SPIDR: variants seen among roughly 807,000 people sequenced by gnomAD.
SPIDR encodes the protein scaffold protein involved in DNA repair.
A neutral mutation model predicts 104.6 loss-of-function variants in SPIDR; 93 were observed. The observed-to-expected ratio is 0.89, with a 90% CI of 0.75 to 1.06. SPIDR has a LOEUF of 1.06. Ranked by LOEUF, SPIDR falls within the 50% of genes least tolerant of loss-of-function variation. The probability of loss-of-function intolerance (pLI) is 0.00; values close to 1 mark genes in which losing one functional copy is unlikely to be tolerated. For missense variants in SPIDR, 1,154 were observed against 1,111.2 expected (o/e 1.04, Z -0.55); for synonymous variants, 431 against 416.9 (o/e 1.03, Z -0.41).
At chr8:47,416,986 A>T (rs1223888236) in intron 7 of SPIDR, among the ~76,000 whole-genome samples, 1 of 152,312 alleles carries the variant, frequency 6.6e-6, no homozygotes, top group South Asian at 2.1e-4. Flanking sequence ...ATAGTATTCC[A>T]TGGTGTATAT....
At chr8:47,416,384 T>A (rs573900491) in intron 7 of SPIDR, among the ~76,000 whole-genome samples, 62 of 152,358 alleles carry the variant, frequency 4.1e-4, no homozygotes, top group African/African-American at 9.9e-4. Context: ...CTCGGTAGTA[T>A]TCCATGGTAC....
chr8:47,437,400 A>G (rs1225513039), intron 7 of SPIDR, among the ~76,000 whole-genome samples: 9 of 152,060 alleles, frequency 5.9e-5, no homozygotes, highest in African/African-American at 2.2e-4. Flanking sequence ...AATTTCATCC[A>G]TGTCCCTACA....
intron 11 of SPIDR, among the ~76,000 whole-genome samples, chr8:47,677,789 T>A (rs2076625853): frequency 6.6e-6 from 1 of 152,200 alleles, no homozygotes; most frequent in Non-Finnish European, 1.5e-5. Flanking sequence ...TGAGAACAAA[T>A]GCTTTAAACA....
chr8:47,626,381 A>C (rs149062103), intron 10 of SPIDR, among the ~76,000 whole-genome samples: 1 of 152,026 alleles, frequency 6.6e-6, no homozygotes, highest in South Asian at 2.1e-4. Flanking sequence ...AGCCAAAATT[A>C]ACAAATGGGA....
intron 5 of SPIDR, among the ~76,000 whole-genome samples, chr8:47,382,121 C>T (rs1048894187): frequency 1.3e-5 from 2 of 152,190 alleles, no homozygotes; most frequent in Non-Finnish European, 2.9e-5. Context: ...GGCACTGCTT[C>T]ATCTTGAAAT....
At chr8:47,417,459 C>T (rs1159848661) in intron 7 of SPIDR, among the ~76,000 whole-genome samples, 2 of 152,128 alleles carry the variant, frequency 1.3e-5, no homozygotes, top group Non-Finnish European at 2.9e-5. Context: ...CCTTTGCCCA[C>T]TTGTTGATGG....
chr8:47,462,730 T>C (rs146885425), intron 8 of SPIDR, among the ~76,000 whole-genome samples: 188 of 151,524 alleles, frequency 1.2e-3, no homozygotes, highest in South Asian at 7.3e-3. Flanking sequence ...AAGATTAGAG[T>C]GGAGATGAAA....
chr8:47,386,104 T>A (rs1259225213), intron 5 of SPIDR, among the ~76,000 whole-genome samples: 1 of 152,072 alleles, frequency 6.6e-6, no homozygotes, highest in Non-Finnish European at 1.5e-5. Context: ...GTAAGTTTCT[T>A]TTGCACTCTT....
At chr8:47,264,087 C>T (rs943675383) in intron 1 of SPIDR, among the ~76,000 whole-genome samples, 3 of 152,168 alleles carry the variant, frequency 2.0e-5, no homozygotes, top group African/African-American at 7.2e-5. Context: ...TCCGAAGACT[C>T]GGATATCTGC....
intron 5 of SPIDR, among the ~76,000 whole-genome samples, chr8:47,368,591 T>C (rs979954165): frequency 6.6e-6 from 1 of 152,100 alleles, no homozygotes; most frequent in East Asian, 1.9e-4. Flanking sequence ...TTGCCTTCAA[T>C]GCGCATGTCT....
intron 8 of SPIDR, among the ~76,000 whole-genome samples, chr8:47,489,571 T>TTTC (rs1175187467): frequency 6.6e-6 from 1 of 152,198 alleles, no homozygotes; most frequent in Non-Finnish European, 1.5e-5. Context: ...AGAACAAAGC[T>TTTC]GGAAGCATCA....
At chr8:47,702,329 C>A (rs1230551600) in intron 14 of SPIDR, among the ~76,000 whole-genome samples, 1 of 152,118 alleles carries the variant, frequency 6.6e-6, no homozygotes. Context: ...CAACCCTGTC[C>A]CCAAAGCTTC....
chr8:47,642,723 A>G (rs1050403446), intron 10 of SPIDR, among the ~76,000 whole-genome samples: 1 of 152,168 alleles, frequency 6.6e-6, no homozygotes, highest in Admixed American at 6.6e-5. Context: ...AGCCTGGGCA[A>G]CAAAGTGAGA....
In SPIDR at chr8:47,701,856, A is replaced by G. The variant is rs374863553; in HGVS notation, c.1909A>G (p.Ile637Val). The change falls in exon 13 of 20, where the codon ATT (isoleucine) becomes GTT (valine). Residue 637 changes from isoleucine (I) to valine (V), a missense_variant. Physicochemically the swap from Ile to Val is conservative, Grantham distance 29. Coordinates refer to ENST00000297423, the MANE Select transcript of SPIDR (RefSeq NM_001080394.4). The stretch of plus-strand genomic sequence containing the variant: ...TCCAGTTACCCGCTGCTTAAGAGAC[A>G]TTCTCCAGGTAATGTCTTTGTTTCT... ...QPPVTRCLRD[I>V]LQMNDLGTRC... is the part of the protein sequence containing the mutation. 2 of 1,613,994 alleles carry G rather than the reference A, an allele frequency of 1.2e-6. No homozygotes were observed. The highest frequency in any genetic ancestry group is 2.7e-5 in the African/African-American group (2 of 74,882).
intron 5 of SPIDR, among the ~76,000 whole-genome samples, chr8:47,302,498 TC>T (rs2042282729): frequency 6.6e-6 from 1 of 152,208 alleles, no homozygotes; most frequent in African/African-American, 2.4e-5. Flanking sequence ...GGAGCTGTGT[TC>T]CTTTGGAGGA....
chr8:47,670,700 G>C (rs1174286268), intron 10 of SPIDR, among the ~76,000 whole-genome samples: 1 of 152,088 alleles, frequency 6.6e-6, no homozygotes, highest in African/African-American at 2.4e-5. Context: ...ATGAGGACTT[G>C]GGAACATTTG....
At chr8:47,605,026 G>C (rs1269189066) in intron 10 of SPIDR, among the ~76,000 whole-genome samples, 1 of 152,234 alleles carries the variant, frequency 6.6e-6, no homozygotes, top group African/African-American at 2.4e-5. Context: ...CAAGGCAGCA[G>C]TGTCCTGTCA....
intron 5 of SPIDR, among the ~76,000 whole-genome samples, chr8:47,368,812 T>A (rs2057599696): frequency 1.3e-5 from 2 of 152,214 alleles, no homozygotes; most frequent in Admixed American, 1.3e-4. Flanking sequence ...CAAAGAATTC[T>A]GGGCACGATT....
intron 5 of SPIDR, among the ~76,000 whole-genome samples, chr8:47,348,776 C>T (rs751781918): frequency 9.2e-5 from 14 of 152,308 alleles, no homozygotes; most frequent in Middle Eastern, 3.4e-3. Context: ...ACGTAGTTCT[C>T]GTGCCGTGGC....
Sources: gnomAD v4.1 joint callset for allele counts (sites outside exome capture counted in the v4.1 genomes callset) on GRCh38, gnomAD v4.1.1 for gene constraint, MANE v1.5 for transcripts, NCBI Gene and HGNC (gene_info 2026-07-23, HGNC 2026-07-21) for gene names.